The following ZMYND8 variants were observed in gnomAD, a reference collection of about 807,000 sequenced individuals.
The protein encoded by ZMYND8 is MYND-type zinc finger-containing chromatin reader ZMYND8.
Under a neutral mutation model 140.8 loss-of-function variants are expected in ZMYND8, and 37 were observed. That is an observed-to-expected ratio of 0.26 (90% CI 0.20 to 0.35). The LOEUF is 0.35. ZMYND8 is among the 10% of genes least tolerant of loss of function. ZMYND8 has a pLI of 1.00. For missense variants in ZMYND8, 1,068 were observed against 1,570.0 expected, an observed-to-expected ratio of 0.68 and a Z score of 5.40; for synonymous variants, 592 against 597.1, an observed-to-expected ratio of 0.99 and a Z score of 0.12.
intron 2 of ZMYND8, among the ~76,000 whole-genome samples, chr20:47,322,018 G>A (rs2080000413): frequency 6.6e-6 from 1 of 151,728 alleles, no homozygotes; most frequent in Non-Finnish European, 1.5e-5. Context: ...AGGCCACCAT[G>A]CCTGGCTAAT....
chr20:47,270,697 G>GAAAAAAAAA (rs34474269), intron 11 of ZMYND8, among the ~76,000 whole-genome samples: 3 of 86,660 alleles, frequency 3.5e-5, no homozygotes, highest in African/African-American at 4.8e-5. Flanking sequence ...CCCTGTCTCT[G>GAAAAAAAAA]AAAAAAAAAA....
At chr20:47,238,638 T>G (rs2039551773) in intron 15 of ZMYND8, 120 bp downstream of exon 15, 1 of 1,501,826 alleles carries the variant, frequency 6.7e-7, no homozygotes, top group Middle Eastern at 1.7e-4. Flanking sequence ...GCCTTCAAGA[T>G]ACAATGGCCC....
rs138307964 is a variant in ZMYND8, at chr20:47,231,587, A to G, written c.2857-1781T>C. Among the ~76,000 whole-genome samples, 107 of 152,318 alleles carry G rather than the reference A, an allele frequency of 7.0e-4. 1 individual carries two copies. The highest frequency in any genetic ancestry group is 6.8e-3 in the Middle Eastern group (2 of 294). On this transcript the variant is annotated intron_variant, in intron 16 of 22. Transcript: ENST00000471951. ...TATGCAATTGCGTAATTGCTGCCAA[A>G]CCCCAAAATAGTAGGCCCAAATTCA...
chr20:47,258,368 T>C (rs2074913071), intron 12 of ZMYND8, among the ~76,000 whole-genome samples: 1 of 152,258 alleles, frequency 6.6e-6, no homozygotes, highest in Non-Finnish European at 1.5e-5. Flanking sequence ...GAAACATAGA[T>C]ATTACCTACT....
chr20:47,313,862 G>A (rs140041145), intron 2 of ZMYND8, among the ~76,000 whole-genome samples: 175 of 152,150 alleles, frequency 1.2e-3, no homozygotes, highest in African/African-American at 3.3e-3. Flanking sequence ...GAGCCCAGGA[G>A]GCAGGGGTTG....
intron 10 of ZMYND8, among the ~76,000 whole-genome samples, chr20:47,279,742 A>C (rs1421525095): frequency 2.7e-5 from 4 of 148,056 alleles, no homozygotes; most frequent in Non-Finnish European, 1.5e-5. Flanking sequence ...ATAAAAGGCA[A>C]TTGGTTGGTG....
chr20:47,226,785 G>C (rs971714325), intron 18 of ZMYND8, among the ~76,000 whole-genome samples: 1 of 152,044 alleles, frequency 6.6e-6, no homozygotes, highest in East Asian at 1.9e-4. Context: ...TCAGCCTCCC[G>C]AGAAGCTGGG....
chr20:47,276,228 C>T (rs760572475), intron 11 of ZMYND8, 86 bp downstream of exon 11: 506 of 1,446,268 alleles, frequency 3.5e-4, no homozygotes, highest in Non-Finnish European at 4.4e-4. Context: ...GCTTGATGCT[C>T]ACCTGCTTGG....
intron 14 of ZMYND8, among the ~76,000 whole-genome samples, chr20:47,243,961 C>T (rs142873119): frequency 7.5e-4 from 114 of 152,286 alleles, no homozygotes; most frequent in Non-Finnish European, 2.8e-4. Context: ...ACAGATGGGT[C>T]GGGATGGTTT....
chr20:47,306,069 T>C (rs1368029921), intron 3 of ZMYND8, among the ~76,000 whole-genome samples: 1 of 152,122 alleles, frequency 6.6e-6, no homozygotes, highest in South Asian at 2.1e-4. Context: ...TTTTAAACCC[T>C]GAAAATAAAA....
At chr20:47,236,204 A>C (rs1245035055) in intron 16 of ZMYND8, 122 bp downstream of exon 16, 15 of 1,176,356 alleles carry the variant, frequency 1.3e-5, no homozygotes, top group Non-Finnish European at 1.8e-5. Flanking sequence ...TTTTTAAAAA[A>C]AAGGGTCTTC....
chr20:47,347,103 G>A (rs1178964575), intron 2 of ZMYND8, among the ~76,000 whole-genome samples: 2 of 152,138 alleles, frequency 1.3e-5, no homozygotes, highest in African/African-American at 4.8e-5. Flanking sequence ...CTTGTTGAAG[G>A]AATGAAAACA....
chr20:47,218,874 ACTT>A (rs1160339296), intron 21 of ZMYND8, among the ~76,000 whole-genome samples: 1 of 151,960 alleles, frequency 6.6e-6, no homozygotes, highest in Non-Finnish European at 1.5e-5. Context: ...AATGGACATC[ACTT>A]CTTCCTCCAT....
chr20:47,232,913 T>TTG (rs1555889044), intron 16 of ZMYND8, among the ~76,000 whole-genome samples: 1 of 148,404 alleles, frequency 6.7e-6, no homozygotes, highest in Non-Finnish European at 1.5e-5. Context: ...TTTGTTTTTT[T>TTG]TTTTTTTTGA....
chr20:47,217,342 G>A (rs2036277387), intron 21 of ZMYND8, among the ~76,000 whole-genome samples: 2 of 152,194 alleles, frequency 1.3e-5, no homozygotes, highest in Non-Finnish European at 2.9e-5. Flanking sequence ...GCAAGCATGA[G>A]TCTGGATTGC....
At chr20:47,320,958 T>C (rs2148350290) in intron 2 of ZMYND8, among the ~76,000 whole-genome samples, 1 of 152,268 alleles carries the variant, frequency 6.6e-6, no homozygotes, top group South Asian at 2.1e-4. Context: ...TAGACGGGCA[T>C]GGTCCAAAAT....
chr20:47,297,137 G>A (rs1292227070), intron 4 of ZMYND8, among the ~76,000 whole-genome samples: 6 of 151,620 alleles, frequency 4.0e-5, no homozygotes, highest in Admixed American at 6.6e-5. Flanking sequence ...GGAGGGCGCC[G>A]CTGTACAATG....
intron 16 of ZMYND8, among the ~76,000 whole-genome samples, chr20:47,235,655 C>T (rs567591190): frequency 9.4e-4 from 141 of 150,446 alleles, no homozygotes; most frequent in South Asian, 2.7e-3. Flanking sequence ...TGCAGTGAGA[C>T]GAGATTGTGT....
At chr20:47,263,105 A>G (rs1207475264) in intron 11 of ZMYND8, among the ~76,000 whole-genome samples, 2 of 152,204 alleles carry the variant, frequency 1.3e-5, no homozygotes, top group African/African-American at 4.8e-5. Flanking sequence ...GCCTCATTTC[A>G]CAGGGTTAGG....
Sources: allele counts gnomAD v4.1 joint callset (sites outside exome capture counted in the v4.1 genomes callset), GRCh38; gene constraint gnomAD v4.1.1; transcripts MANE v1.5; gene names NCBI Gene and HGNC (gene_info 2026-07-23, HGNC 2026-07-21).